The following ESRRG variants were observed in gnomAD, a reference collection of about 807,000 sequenced individuals.
The protein encoded by ESRRG is estrogen related receptor gamma.
In ESRRG, 13 loss-of-function variants were observed where a neutral mutation model predicts 44.0. The ratio of observed to expected loss-of-function variants is 0.30; its 90% CI spans 0.19 to 0.47. The LOEUF (loss-of-function observed/expected upper bound fraction) is 0.47, where lower values mean the gene tolerates loss of function less well. Ranked by LOEUF, ESRRG falls within the 20% of genes least tolerant of loss-of-function variation. The probability of loss-of-function intolerance (pLI) is 1.00; values close to 1 mark genes in which losing one functional copy is unlikely to be tolerated. For synonymous variants in ESRRG, 215 were observed against 214.6 expected (o/e 1.00, Z -0.02); for missense variants, 395 against 580.6 (o/e 0.68, Z 3.29).
chr1:217,102,205 G>C (rs1348903735), intron 1 of ESRRG, among the ~76,000 whole-genome samples: 1 of 152,166 alleles, frequency 6.6e-6, no homozygotes, highest in African/African-American at 2.4e-5. Flanking sequence ...AATAGGTGTT[G>C]TTACATCCAT....
chr1:217,113,451 G>A (rs1220711517), intron 1 of ESRRG, among the ~76,000 whole-genome samples: 1 of 152,110 alleles, frequency 6.6e-6, no homozygotes, highest in Non-Finnish European at 1.5e-5. Flanking sequence ...AGTGGGGCAG[G>A]TAACTTATCT....
chr1:217,106,304 C>G (rs922532895), intron 1 of ESRRG, among the ~76,000 whole-genome samples: 2 of 152,044 alleles, frequency 1.3e-5, no homozygotes, highest in African/African-American at 4.8e-5. Flanking sequence ...GGTCAGACCT[C>G]TTCTAGGTTG....
chr1:216,907,361 C>A (rs1051739728), intron 2 of ESRRG, among the ~76,000 whole-genome samples: 1 of 152,192 alleles, frequency 6.6e-6, no homozygotes, highest in African/African-American at 2.4e-5. Flanking sequence ...TTAATAATTT[C>A]TTTAGGGATT....
chr1:216,704,504 C>A lies in ESRRG; in HGVS notation c.56+18740G>T, dbSNP rs531315647. On this transcript the variant is annotated intron_variant, in intron 1 of 6. Transcript: ENST00000408911. ...TGCACTCCAGCCTGGGAGACAAGAGCAAAACTCTGTCTCTCTCCAAAATAA... is the reference window on the plus strand; with the variant it reads ...TGCACTCCAGCCTGGGAGACAAGAGAAAAACTCTGTCTCTCTCCAAAATAA... Among the ~76,000 whole-genome samples the A allele has an allele frequency of 7.8e-4, 119 of 151,772 alleles. 1 individual carries two copies. Among genetic ancestry groups the A allele is most frequent in the African/African-American group, 2.7e-3 (112 of 41,374 alleles).
intron 2 of ESRRG, among the ~76,000 whole-genome samples, chr1:216,926,676 C>CA (rs1342316056): frequency 4.6e-5 from 7 of 151,752 alleles, no homozygotes; most frequent in East Asian, 1.9e-4. Context: ...CATAGAGATA[C>CA]AAAAAAAAGT....
chr1:216,953,705 C>T lies in ESRRG; in HGVS notation c.-105-14032G>A, dbSNP rs2067392397. On this transcript the variant is annotated intron_variant, in intron 1 of 7. Coordinates refer to the ESRRG transcript ENST00000359162. ...CATAATAGTGTTATCTCTGAAAGGA[C>T]GTGATGTCATCATAAATCACAGAGC... 2.6e-5 allele frequency among the ~76,000 whole-genome samples: 4 copies of T among 151,974 alleles called. No individual in the cohort carries two copies. The South Asian group carries it at 6.2e-4, about 24-fold the overall frequency.
intron 4 of ESRRG, among the ~76,000 whole-genome samples, chr1:216,565,977 T>C (rs939061047): frequency 3.4e-5 from 2 of 59,552 alleles, no homozygotes; most frequent in Non-Finnish European, 7.5e-5. Flanking sequence ...TAATCATGAT[T>C]CTAGTTGTTT....
chr1:216,950,085 T>C (rs760445056), intron 1 of ESRRG, among the ~76,000 whole-genome samples: 2 of 152,218 alleles, frequency 1.3e-5, no homozygotes, highest in African/African-American at 4.8e-5. Flanking sequence ...AGTGCTGGGA[T>C]TATAGGCATG....
chr1:216,908,747 AG>A (rs2059963649), intron 2 of ESRRG, among the ~76,000 whole-genome samples: 1 of 152,040 alleles, frequency 6.6e-6, no homozygotes, highest in Admixed American at 6.6e-5. Flanking sequence ...CAGAATAGTG[AG>A]ACCTGGAAGG....
At chr1:217,055,499 A>G (rs144395121) in intron 1 of ESRRG, among the ~76,000 whole-genome samples, 114 of 152,272 alleles carry the variant, frequency 7.5e-4, no homozygotes, top group African/African-American at 2.6e-3. Flanking sequence ...TGCACTTTAT[A>G]TAACATTTCC....
At chr1:216,895,122 G>A (rs923314231) in intron 2 of ESRRG, among the ~76,000 whole-genome samples, 5 of 151,970 alleles carry the variant, frequency 3.3e-5, no homozygotes, top group African/African-American at 4.8e-5. Flanking sequence ...ATCCATATTA[G>A]TTTTATTTTC....
intron 2 of ESRRG, among the ~76,000 whole-genome samples, chr1:216,748,505 T>C (rs2091668617): frequency 6.6e-6 from 1 of 152,210 alleles, no homozygotes; most frequent in Admixed American, 6.5e-5. Flanking sequence ...TAGAACTATT[T>C]ATACAGGCTG....
intron 1 of ESRRG, among the ~76,000 whole-genome samples, chr1:217,074,441 TC>T (rs1197958325): frequency 1.2e-5 from 1 of 80,408 alleles, no homozygotes; most frequent in Non-Finnish European, 3.1e-5. Flanking sequence ...GTATCAGAAA[TC>T]CACCCCCCCC....
At chr1:216,807,234 C>G (rs1399569532) in intron 2 of ESRRG, among the ~76,000 whole-genome samples, 1 of 152,080 alleles carries the variant, frequency 6.6e-6, no homozygotes, top group Non-Finnish European at 1.5e-5. Context: ...TCCTTTCACC[C>G]GCAAAGACGG....
At chr1:217,023,628 C>T (rs775510185) in intron 1 of ESRRG, among the ~76,000 whole-genome samples, 1 of 152,202 alleles carries the variant, frequency 6.6e-6, no homozygotes, top group Non-Finnish European at 1.5e-5. Flanking sequence ...CATATTCAAA[C>T]AACTCTGGAA....
intron 2 of ESRRG, among the ~76,000 whole-genome samples, chr1:216,671,908 T>C (rs1237032335): frequency 1.3e-5 from 2 of 152,082 alleles, no homozygotes; most frequent in African/African-American, 4.8e-5. Flanking sequence ...TAATGAAATA[T>C]GTAATACTTG....
intron 3 of ESRRG, among the ~76,000 whole-genome samples, chr1:216,593,549 T>C (rs2058010831): frequency 6.6e-6 from 1 of 152,232 alleles, no homozygotes. Context: ...ACTACCTGCA[T>C]TCTAATTATT....
chr1:216,791,746 TA>T (rs1289280916), intron 2 of ESRRG, among the ~76,000 whole-genome samples: 1 of 152,206 alleles, frequency 6.6e-6, no homozygotes, highest in Admixed American at 6.5e-5. Context: ...ACTTGGTGAA[TA>T]AAAATTACAT....
At chr1:216,791,234 C>T (rs1040371928) in intron 2 of ESRRG, among the ~76,000 whole-genome samples, 6 of 152,140 alleles carry the variant, frequency 3.9e-5, no homozygotes, top group South Asian at 2.1e-4. Context: ...ACTGTCTTCA[C>T]GACAGTGAGT....
Sources: allele counts gnomAD v4.1 joint callset (sites outside exome capture counted in the v4.1 genomes callset), GRCh38; gene constraint gnomAD v4.1.1; transcripts MANE v1.5; gene names NCBI Gene and HGNC (gene_info 2026-07-23, HGNC 2026-07-21).